The following THADA variants were observed in gnomAD, a reference collection of about 807,000 sequenced individuals.
The protein encoded by THADA is tRNA (32-2'-O)-methyltransferase regulator THADA.
A neutral mutation model predicts 219.8 loss-of-function variants in THADA; 213 were observed. The ratio of observed to expected loss-of-function variants is 0.97; its 90% CI spans 0.87 to 1.09. The LOEUF (loss-of-function observed/expected upper bound fraction) is 1.09. Ranked by LOEUF, THADA falls within the 50% of genes least tolerant of loss-of-function variation. The pLI is 0.00. For missense variants in THADA, 2,956 were observed against 2,311.3 expected (o/e 1.28, Z -5.72); for synonymous variants, 1,018 against 828.9 (o/e 1.23, Z -3.92).
chr2:43,439,277 G>A (rs1680542968), intron 26 of THADA, among the ~76,000 whole-genome samples: 1 of 127,660 alleles, frequency 7.8e-6, no homozygotes. Context: ...GAGAGACGGA[G>A]AGAGAGAGAG....
At chr2:43,518,717 G>A (rs1005388457) in intron 22 of THADA, among the ~76,000 whole-genome samples, 1 of 152,070 alleles carries the variant, frequency 6.6e-6, no homozygotes, top group Non-Finnish European at 1.5e-5. Context: ...TCTTTCTTAA[G>A]CCTCTTTAGG....
At chr2:43,507,416 G>A (rs952341865) in intron 23 of THADA, among the ~76,000 whole-genome samples, 5 of 152,298 alleles carry the variant, frequency 3.3e-5, no homozygotes, top group Admixed American at 1.3e-4. Flanking sequence ...TTTGATCTCA[G>A]ACAGACAAAT....
At chr2:43,448,123 A>G (rs1434903015) in intron 26 of THADA, among the ~76,000 whole-genome samples, 1 of 152,230 alleles carries the variant, frequency 6.6e-6, no homozygotes, top group African/African-American at 2.4e-5. Context: ...CCAGTGAAAG[A>G]ATTCTCGAAA....
In THADA at chr2:43,292,889, C is replaced by A. The variant is rs370554521; in HGVS notation, c.4763G>T (p.Gly1588Val). ...KGVPPLLCNM[G>V]EKFLLLAMKE... Reference sequence around the variant, plus strand: ...CATGGCCAACAATAAGAACTTCTCTCCCATGTTGCACAGCAAGGGTGGCAC... The same window carrying A: ...CATGGCCAACAATAAGAACTTCTCTACCATGTTGCACAGCAAGGGTGGCAC... Residue 1588 changes from glycine (G) to valine (V), a missense_variant, in exon 32 of 38, where the codon GGA becomes GTA. Gly to Val is a moderately radical substitution (Grantham distance 109). Coordinates refer to ENST00000405975, the MANE Select transcript of THADA (RefSeq NM_022065.5). 1.2e-6 allele frequency: 2 copies of A among 1,613,872 alleles called. No homozygotes were observed. Among genetic ancestry groups the A allele is most frequent in the Non-Finnish European group, 1.7e-6 (2 of 1,179,920 alleles).
chr2:43,402,128 T>A (rs1166404890), intron 28 of THADA, among the ~76,000 whole-genome samples: 1 of 152,220 alleles, frequency 6.6e-6, no homozygotes, highest in Non-Finnish European at 1.5e-5. Flanking sequence ...GAGAACCTCC[T>A]GCTGCTCCTT....
chr2:43,336,924 T>C (rs900678708), intron 30 of THADA, among the ~76,000 whole-genome samples: 4 of 152,248 alleles, frequency 2.6e-5, no homozygotes, highest in African/African-American at 9.6e-5. Context: ...GGAGGATGGC[T>C]GGGACTTAGC....
intron 26 of THADA, among the ~76,000 whole-genome samples, chr2:43,438,129 G>A (rs539767970): frequency 9.2e-5 from 14 of 151,770 alleles, no homozygotes; most frequent in Admixed American, 3.3e-4. Flanking sequence ...GTGAAACCCC[G>A]TCTCTACTAA....
At chr2:43,489,874 CAAAAAA>C (rs201735523) in intron 25 of THADA, among the ~76,000 whole-genome samples, 7 of 56,086 alleles carry the variant, frequency 1.2e-4, no homozygotes, top group African/African-American at 3.3e-4. Context: ...TTAAGATCTG[CAAAAAA>C]AAAAAAAAAA....
intron 30 of THADA, among the ~76,000 whole-genome samples, chr2:43,340,133 T>G (rs1344179676): frequency 1.3e-5 from 2 of 152,158 alleles, no homozygotes; most frequent in Non-Finnish European, 2.9e-5. Flanking sequence ...GTAAACTGCT[T>G]TAGACAGTAA....
In THADA at chr2:43,317,113, A is replaced by T. The variant is rs150157800; in HGVS notation, c.4438+3333T>A. Reference sequence around the variant, plus strand: ...GCTAAATAACTTGCCTAAGGTCACAAAGTTAGTAAATGGCAGATCTAGGAT... The same window carrying T: ...GCTAAATAACTTGCCTAAGGTCACATAGTTAGTAAATGGCAGATCTAGGAT... On this transcript the variant is annotated intron_variant, in intron 31 of 37. Coordinates refer to ENST00000405975, the MANE Select transcript of THADA (RefSeq NM_022065.5). Among the ~76,000 whole-genome samples, 1,047 of 152,326 alleles carry T rather than the reference A, an allele frequency of 6.9e-3. 11 individuals carry two copies. Among genetic ancestry groups the T allele is most frequent in the African/African-American group, 0.024 (994 of 41,564 alleles).
At chr2:43,367,555 T>C (rs892487261) in intron 29 of THADA, among the ~76,000 whole-genome samples, 13 of 152,238 alleles carry the variant, frequency 8.5e-5, no homozygotes, top group Admixed American at 7.2e-4. Flanking sequence ...AGAAATCCAC[T>C]TTGACTTCTT....
intron 1 of THADA, among the ~76,000 whole-genome samples, chr2:43,593,166 T>G (rs186002947): frequency 6.6e-6 from 1 of 152,158 alleles, no homozygotes; most frequent in Non-Finnish European, 1.5e-5. Context: ...GAAGGACATG[T>G]TGAATGATGG....
intron 26 of THADA, among the ~76,000 whole-genome samples, chr2:43,436,503 C>A (rs1020525965): frequency 6.6e-6 from 1 of 152,138 alleles, no homozygotes; most frequent in Non-Finnish European, 1.5e-5. Context: ...TACTGAGAAG[C>A]CTATCAGAAA....
intron 21 of THADA, among the ~76,000 whole-genome samples, chr2:43,530,532 T>C (rs1693731668): frequency 6.6e-6 from 1 of 152,176 alleles, no homozygotes; most frequent in Non-Finnish European, 1.5e-5. Context: ...AAACAAGAGA[T>C]TTCTAAGAAG....
intron 26 of THADA, among the ~76,000 whole-genome samples, chr2:43,440,148 T>C (rs1680661595): frequency 6.6e-6 from 1 of 152,210 alleles, no homozygotes; most frequent in South Asian, 2.1e-4. Flanking sequence ...ATTCAGTGCA[T>C]ACAGGTATAT....
chr2:43,327,763 C>T (rs1220022486), intron 30 of THADA, among the ~76,000 whole-genome samples: 1 of 152,008 alleles, frequency 6.6e-6, no homozygotes, highest in Non-Finnish European at 1.5e-5. Context: ...AACAACAAAC[C>T]CCCCTAAAAA....
chr2:43,458,932 G>A (rs1193125391), intron 26 of THADA, among the ~76,000 whole-genome samples: 1 of 152,010 alleles, frequency 6.6e-6, no homozygotes, highest in African/African-American at 2.4e-5. Context: ...ACTGTATTAT[G>A]TTGATCTTCA....
intron 36 of THADA, among the ~76,000 whole-genome samples, chr2:43,234,924 C>T (rs566577101): frequency 1.3e-3 from 198 of 152,000 alleles, no homozygotes; most frequent in Middle Eastern, 3.4e-3. Context: ...CTACCCACCT[C>T]AGCCTTCCAA....
At chr2:43,519,444 C>T (rs2103672581) in intron 22 of THADA, among the ~76,000 whole-genome samples, 1 of 152,180 alleles carries the variant, frequency 6.6e-6, no homozygotes, top group East Asian at 1.9e-4. Flanking sequence ...AATGAACATT[C>T]CCTGGGTTAT....
Sources: gnomAD v4.1 joint callset for allele counts (sites outside exome capture counted in the v4.1 genomes callset) on GRCh38, gnomAD v4.1.1 for gene constraint, MANE v1.5 for transcripts, NCBI Gene and HGNC (gene_info 2026-07-23, HGNC 2026-07-21) for gene names.